The following FRS2 variants were observed in gnomAD, a reference collection of about 807,000 sequenced individuals.
The protein encoded by FRS2 is fibroblast growth factor receptor substrate 2.
FRS2 carries 8 observed loss-of-function variants against 43.9 expected under a neutral mutation model. The ratio of observed to expected loss-of-function variants is 0.18; its 90% CI spans 0.11 to 0.33. FRS2 has a LOEUF of 0.33. Among genes scored for constraint, FRS2 ranks in the 10% least tolerant of loss-of-function variants. The probability of loss-of-function intolerance (pLI) is 1.00; values close to 1 mark genes in which losing one functional copy is unlikely to be tolerated. For synonymous variants in FRS2, 219 were observed against 220.3 expected (o/e 0.99, Z 0.05); for missense variants, 534 against 627.6 (o/e 0.85, Z 1.59).
intron 1 of FRS2, among the ~76,000 whole-genome samples, chr12:69,493,876 C>A (rs1359095888): frequency 1.3e-5 from 2 of 152,120 alleles, no homozygotes; most frequent in African/African-American, 2.4e-5. Flanking sequence ...GGAAAATATG[C>A]TTTTTCCCTG....
intron 1 of FRS2, among the ~76,000 whole-genome samples, chr12:69,511,583 TAAA>T (rs775849331): frequency 1.3e-5 from 2 of 152,190 alleles, no homozygotes; most frequent in Non-Finnish European, 2.9e-5. Flanking sequence ...AATTTTGTTT[TAAA>T]AAAACTCTGA....
At chr12:69,550,826 G>A (rs573860492) in intron 3 of FRS2, among the ~76,000 whole-genome samples, 12 of 152,160 alleles carry the variant, frequency 7.9e-5, no homozygotes, top group Non-Finnish European at 1.8e-4. Context: ...AGTATTTTAT[G>A]TACATAATTA....
chr12:69,516,208 T>A (rs1874996209), intron 1 of FRS2, among the ~76,000 whole-genome samples: 1 of 150,246 alleles, frequency 6.7e-6, no homozygotes, highest in Non-Finnish European at 1.5e-5. Flanking sequence ...TTATTATTAT[T>A]ATTATTATTA....
intron 1 of FRS2, among the ~76,000 whole-genome samples, chr12:69,487,738 G>C (rs1036003764): frequency 6.6e-6 from 1 of 152,180 alleles, no homozygotes; most frequent in Non-Finnish European, 1.5e-5. Context: ...TCTGGGCAAA[G>C]TAAACTGAAA....
At chr12:69,546,687 G>A (rs1340060404) in intron 3 of FRS2, among the ~76,000 whole-genome samples, 1 of 152,082 alleles carries the variant, frequency 6.6e-6, no homozygotes, top group Admixed American at 6.6e-5. Flanking sequence ...CACTGCACCT[G>A]GCCAAGGATG....
At chr12:69,477,939 C>T (rs960650690) in intron 1 of FRS2, among the ~76,000 whole-genome samples, 13 of 151,254 alleles carry the variant, frequency 8.6e-5, no homozygotes, top group Non-Finnish European at 1.5e-4. Context: ...GACGGGGTTT[C>T]ACCATGTTAG....
chr12:69,484,123 C>T (rs914985844), intron 1 of FRS2, among the ~76,000 whole-genome samples: 3 of 146,038 alleles, frequency 2.1e-5, no homozygotes, highest in Non-Finnish European at 4.6e-5. Flanking sequence ...CTCGCTCTGT[C>T]GCCCAGGCTA....
intron 1 of FRS2, among the ~76,000 whole-genome samples, chr12:69,507,112 CA>C (rs1442444200): frequency 6.6e-6 from 1 of 152,214 alleles, no homozygotes; most frequent in African/African-American, 2.4e-5. Flanking sequence ...AAATAAATTT[CA>C]TATCTTATAA....
chr12:69,522,114 C>T (rs1377941888), intron 1 of FRS2, among the ~76,000 whole-genome samples: 1 of 151,466 alleles, frequency 6.6e-6, no homozygotes, highest in Non-Finnish European at 1.5e-5. Flanking sequence ...TGGTGTGCTG[C>T]TGGATTTGGC....
At chr12:69,471,626 A>ATTT (rs1870305213) in intron 1 of FRS2, among the ~76,000 whole-genome samples, 1 of 152,254 alleles carries the variant, frequency 6.6e-6, no homozygotes, top group Non-Finnish European at 1.5e-5. Context: ...TAGTGAACAG[A>ATTT]TTTTAGGTAG....
intron 1 of FRS2, among the ~76,000 whole-genome samples, chr12:69,523,275 G>A (rs942627927): frequency 1.3e-5 from 2 of 152,336 alleles, no homozygotes; most frequent in South Asian, 4.1e-4. Flanking sequence ...TGTGTTGGGT[G>A]TATGGATATT....
At chr12:69,536,210 C>T (rs918240609) in intron 3 of FRS2, among the ~76,000 whole-genome samples, 15 of 132,808 alleles carry the variant, frequency 1.1e-4, no homozygotes, top group African/African-American at 4.3e-4. Context: ...CTGCAACCTC[C>T]ATCTCCTGGG....
intron 1 of FRS2, among the ~76,000 whole-genome samples, chr12:69,524,572 T>C (rs534149804): frequency 3.9e-4 from 59 of 152,118 alleles, no homozygotes; most frequent in African/African-American, 1.4e-3. Flanking sequence ...AGAGGCCAGC[T>C]GACTAAAGGG....
At chr12:69,545,755 C>CAAAAAA (rs60460901) in intron 3 of FRS2, among the ~76,000 whole-genome samples, 591 of 79,564 alleles carry the variant, frequency 7.4e-3, no homozygotes, top group Non-Finnish European at 0.011. Context: ...GACCCTGTCT[C>CAAAAAA]AAAAAAAAAA....
chr12:69,553,977 G>T (rs1048908423), intron 3 of FRS2, among the ~76,000 whole-genome samples: 5 of 152,196 alleles, frequency 3.3e-5, no homozygotes, highest in African/African-American at 9.7e-5. Flanking sequence ...AGCATAGCTT[G>T]TTGGCCTCAG....
intron 1 of FRS2, among the ~76,000 whole-genome samples, chr12:69,524,131 C>T (rs150724844): frequency 2.6e-5 from 4 of 152,232 alleles, no homozygotes; most frequent in African/African-American, 9.6e-5. Context: ...GGGCAGTCTG[C>T]TGTTCTCCAT....
chr12:69,516,196 G>GATT (rs1165108524), intron 1 of FRS2, among the ~76,000 whole-genome samples: 109 of 150,490 alleles, frequency 7.2e-4, no homozygotes, highest in African/African-American at 1.4e-3. Context: ...AAAGTGAGTA[G>GATT]ATTATTATTA....
At chr12:69,496,057 A>C (rs933804195) in intron 1 of FRS2, among the ~76,000 whole-genome samples, 1 of 152,128 alleles carries the variant, frequency 6.6e-6, no homozygotes, top group African/African-American at 2.4e-5. Flanking sequence ...GATAATACTA[A>C]TTTTTTTCTT....
chr12:69,491,371 A>G (rs1244016193), intron 1 of FRS2, among the ~76,000 whole-genome samples: 1 of 152,170 alleles, frequency 6.6e-6, no homozygotes, highest in Non-Finnish European at 1.5e-5. Flanking sequence ...GCTGCGATTA[A>G]TAGTCGTGAA....
Sources: gnomAD v4.1 joint callset for allele counts (sites outside exome capture counted in the v4.1 genomes callset) on GRCh38, gnomAD v4.1.1 for gene constraint, MANE v1.5 for transcripts, NCBI Gene and HGNC (gene_info 2026-07-23, HGNC 2026-07-21) for gene names.